ARMC2: variants seen among roughly 807,000 people sequenced by gnomAD.
ARMC2 encodes armadillo repeat-containing protein 2.
Under a neutral mutation model 90.3 loss-of-function variants are expected in ARMC2, and 67 were observed. The ratio of observed to expected loss-of-function variants is 0.74; its 90% CI spans 0.61 to 0.91. The LOEUF (loss-of-function observed/expected upper bound fraction) is 0.91, where lower values mean the gene tolerates loss of function less well. Ranked by LOEUF, ARMC2 falls within the 40% of genes least tolerant of loss-of-function variation. ARMC2 has a pLI of 0.00. For missense variants in ARMC2, 920 were observed against 1,030.9 expected, an observed-to-expected ratio of 0.89 and a Z score of 1.47; for synonymous variants, 393 against 393.0, an observed-to-expected ratio of 1.00 and a Z score of 0.00.
At chr6:108,885,663 G>C (rs574118419) in intron 5 of ARMC2, among the ~76,000 whole-genome samples, 4 of 148,278 alleles carry the variant, frequency 2.7e-5, no homozygotes, top group Admixed American at 1.4e-4. Flanking sequence ...GACAGAGTGA[G>C]ACTCTGTCGC....
the ARMC2 span, among the ~76,000 whole-genome samples, chr6:109,037,803 T>C: frequency 6.6e-6 from 1 of 151,912 alleles, no homozygotes; most frequent in Non-Finnish European, 1.5e-5. Flanking sequence ...AAAAAAGGCA[T>C]AGAAACTTGT....
intron 13 of ARMC2, among the ~76,000 whole-genome samples, chr6:108,960,829 G>C (rs934335007): frequency 1.4e-4 from 21 of 152,164 alleles, no homozygotes; most frequent in Admixed American, 3.3e-4. Flanking sequence ...GGGCATGCTG[G>C]CATATTCCAA....
the ARMC2 span, among the ~76,000 whole-genome samples, chr6:109,003,460 C>T: frequency 6.6e-6 from 1 of 152,050 alleles, no homozygotes; most frequent in East Asian, 1.9e-4. Flanking sequence ...TAAAGCAGAA[C>T]AGGCTTTTAA....
chr6:109,039,489 A>G, the ARMC2 span, among the ~76,000 whole-genome samples: 3 of 152,346 alleles, frequency 2.0e-5, no homozygotes, highest in African/African-American at 7.2e-5. Context: ...ACTTGGAGGC[A>G]AGAACATCAA....
chr6:109,049,775 G>A, the ARMC2 span, among the ~76,000 whole-genome samples: 1 of 150,852 alleles, frequency 6.6e-6, no homozygotes, highest in South Asian at 2.1e-4. Flanking sequence ...ATATTTATAT[G>A]TATTTTTTAA....
At chr6:108,976,609 T>C (rs1175676263), downstream of ARMC2, among the ~76,000 whole-genome samples, 3 of 152,236 alleles carry the variant, frequency 2.0e-5, no homozygotes, top group African/African-American at 7.2e-5. Flanking sequence ...ATGGCCATTT[T>C]GACGATATTG....
intron 3 of ARMC2, among the ~76,000 whole-genome samples, chr6:108,861,063 C>A (rs1775187847): frequency 6.6e-6 from 1 of 152,098 alleles, no homozygotes; most frequent in South Asian, 2.1e-4. Context: ...AGAATAAACC[C>A]ATCTTCTTCT....
At chr6:109,001,308 G>A in the ARMC2 span, 37 of 1,613,500 alleles carry the variant, frequency 2.3e-5, no homozygotes, top group Non-Finnish European at 3.1e-5. Flanking sequence ...ATGTAGTGAC[G>A]ATAATGTAGG....
intron 1 of ARMC2, among the ~76,000 whole-genome samples, chr6:108,851,927 C>T (rs1562313824): frequency 6.6e-6 from 1 of 152,152 alleles, no homozygotes; most frequent in Non-Finnish European, 1.5e-5. Flanking sequence ...AGAGTGAAGA[C>T]GGTCTTTTAT....
chr6:108,898,685 G>A (rs1379592912), intron 6 of ARMC2, among the ~76,000 whole-genome samples: 5 of 152,210 alleles, frequency 3.3e-5, no homozygotes, highest in African/African-American at 1.2e-4. Context: ...TAGCTTTGAG[G>A]TCAAATGCAG....
At chr6:108,911,689 A>G (rs1359185469) in intron 9 of ARMC2, among the ~76,000 whole-genome samples, 3 of 152,222 alleles carry the variant, frequency 2.0e-5, no homozygotes, top group Non-Finnish European at 4.4e-5. Context: ...CTAATGTTGA[A>G]TCAACTAATT....
chr6:109,001,151 A>G, the ARMC2 span: 1 of 763,408 alleles, frequency 1.3e-6, no homozygotes, highest in South Asian at 2.1e-5. Flanking sequence ...AAAAATAGGA[A>G]AAACAGAGAC....
chr6:108,964,113 T>C, intron 15 of ARMC2, 67 bp from the exon 16 acceptor site: 1 of 1,557,788 alleles, frequency 6.4e-7, no homozygotes, highest in Non-Finnish European at 8.7e-7. Flanking sequence ...CCATACCATC[T>C]GTAAAACAAG....
At chr6:108,865,096 C>G (rs1775680217) in intron 3 of ARMC2, among the ~76,000 whole-genome samples, 1 of 150,898 alleles carries the variant, frequency 6.6e-6, no homozygotes, top group African/African-American at 2.4e-5. Context: ...AATTCTCCTG[C>G]CTCAGCCTCT....
At chr6:108,893,005 A>G (rs1009944302) in intron 5 of ARMC2, among the ~76,000 whole-genome samples, 1 of 152,194 alleles carries the variant, frequency 6.6e-6, no homozygotes, top group African/African-American at 2.4e-5. Context: ...GGACAAAAAG[A>G]AATTTTGATA....
rs536348885 is a variant in ARMC2, at chr6:108,883,832, C to A, written c.671+7482C>A. Among the ~76,000 whole-genome samples, 47 of 152,130 alleles carry A rather than the reference C, an allele frequency of 3.1e-4. No homozygotes were observed. The Middle Eastern group carries it at 0.01, about 33-fold the overall frequency. ...ATTCCATTTATATGTATCCATTTAC[C>A]TGCCCTCCCTCCTGCCCTTCTGTTC... On this transcript the variant is annotated intron_variant, in intron 5 of 17. Transcript: ENST00000392644.
At chr6:108,862,307 G>A (rs1284640988) in intron 3 of ARMC2, among the ~76,000 whole-genome samples, 1 of 125,290 alleles carries the variant, frequency 8.0e-6, no homozygotes, top group South Asian at 2.7e-4. Flanking sequence ...TTGTGCCACT[G>A]CACTCCAACC....
At chr6:109,003,924 C>A in the ARMC2 span, among the ~76,000 whole-genome samples, 1 of 152,162 alleles carries the variant, frequency 6.6e-6, no homozygotes, top group Non-Finnish European at 1.5e-5. Context: ...ATCTTGAAAA[C>A]TGTCTTACTT....
At chr6:108,986,186 T>C in the ARMC2 span, among the ~76,000 whole-genome samples, 6 of 152,238 alleles carry the variant, frequency 3.9e-5, no homozygotes, top group Admixed American at 2.0e-4. Flanking sequence ...TTAGTAATTC[T>C]TAAAATTCTA....
Sources: gnomAD v4.1 joint callset for allele counts (sites outside exome capture counted in the v4.1 genomes callset) on GRCh38, gnomAD v4.1.1 for gene constraint, MANE v1.5 for transcripts, NCBI Gene and HGNC (gene_info 2026-07-23, HGNC 2026-07-21) for gene names.